The following ATP6V0E1 variants were observed in gnomAD, a reference collection of about 807,000 sequenced individuals.
ATP6V0E1 encodes ATPase H+ transporting V0 subunit e1, also known as V-type proton ATPase subunit e 1.
Under a neutral mutation model 11.6 loss-of-function variants are expected in ATP6V0E1, and 4 were observed. The ratio of observed to expected loss-of-function variants is 0.35; its 90% CI spans 0.17 to 0.79. The LOEUF (loss-of-function observed/expected upper bound fraction) is 0.79, where lower values mean the gene tolerates loss of function less well. Among genes scored for constraint, ATP6V0E1 ranks in the 30% least tolerant of loss-of-function variants. The probability of loss-of-function intolerance (pLI) is 0.54; values close to 1 mark genes in which losing one functional copy is unlikely to be tolerated. For synonymous variants in ATP6V0E1, 36 were observed against 34.8 expected (o/e 1.04, Z -0.13); for missense variants, 105 against 100.0 (o/e 1.05, Z -0.21).
chr5:173,010,447 C>T (rs560307418), intron 2 of ATP6V0E1, among the ~76,000 whole-genome samples: 1 of 152,182 alleles, frequency 6.6e-6, no homozygotes, highest in Non-Finnish European at 1.5e-5. Flanking sequence ...GGATTATTAT[C>T]ACCATTTTAC....
At chr5:172,994,047 G>C (rs146823123) in intron 1 of ATP6V0E1, among the ~76,000 whole-genome samples, 37 of 152,276 alleles carry the variant, frequency 2.4e-4, no homozygotes, top group Non-Finnish European at 4.3e-4. Flanking sequence ...AGAAAAGTTT[G>C]AATCTGCCAG....
intron 3 of ATP6V0E1, among the ~76,000 whole-genome samples, chr5:173,025,677 G>A (rs770691077): frequency 1.7e-4 from 26 of 149,092 alleles, no homozygotes; most frequent in Non-Finnish European, 3.1e-4. Flanking sequence ...TGTATTTTTG[G>A]TAGAGACTCA....
rs973896186 is a variant in ATP6V0E1, at chr5:172,984,075, C to T, written c.104+111C>T. Reference sequence around the variant, plus strand: ...TCAGAGAACGTTGCATGGGCGCCCCCCGCGCTGCAGAGTCAGGCCCCCGAC... The same window carrying T: ...TCAGAGAACGTTGCATGGGCGCCCCTCGCGCTGCAGAGTCAGGCCCCCGAC... On this transcript the variant is annotated intron_variant, in intron 1 of 3. Coordinates refer to ENST00000519374, the MANE Select transcript of ATP6V0E1 (RefSeq NM_003945.4). 7.5e-5 allele frequency: 80 copies of T among 1,061,232 alleles called. No individual in the cohort carries two copies. In the African/African-American group the frequency reaches 1.1e-3, roughly 14 times the overall value. The allele number at this position is 1,061,232 out of a possible 1,614,324, so 65.7% of individuals were successfully genotyped here. A position where few individuals can be genotyped will look rare whatever the true frequency, so the allele number is the denominator to read the frequency against.
intron 2 of ATP6V0E1, among the ~76,000 whole-genome samples, chr5:173,009,574 C>T (rs762030656): frequency 2.7e-5 from 4 of 148,794 alleles, no homozygotes; most frequent in Admixed American, 1.4e-4. Context: ...AAGTGATTCT[C>T]GTGCCTCAGC....
At chr5:173,018,660 A>T (rs1393159719) in intron 2 of ATP6V0E1, among the ~76,000 whole-genome samples, 1 of 151,000 alleles carries the variant, frequency 6.6e-6, no homozygotes, top group Admixed American at 6.6e-5. Flanking sequence ...TTCCTTCATA[A>T]CAGTTATCAC....
At chr5:173,007,171 C>T (rs933897439) in intron 2 of ATP6V0E1, among the ~76,000 whole-genome samples, 4 of 152,084 alleles carry the variant, frequency 2.6e-5, no homozygotes, top group South Asian at 2.1e-4. Context: ...GATGAGGTCT[C>T]GCCATGTTGC....
At chr5:172,995,013 A>G in intron 2 of ATP6V0E1, among the ~76,000 whole-genome samples, 191 bp downstream of exon 2, 1 of 152,220 alleles carries the variant, frequency 6.6e-6, no homozygotes, top group Non-Finnish European at 1.5e-5. Flanking sequence ...TGGGAATACA[A>G]CTTCTGTTTA....
chr5:173,013,631 C>CT (rs1213147851), intron 2 of ATP6V0E1, among the ~76,000 whole-genome samples: 7 of 147,818 alleles, frequency 4.7e-5, no homozygotes, highest in African/African-American at 1.7e-4. Context: ...TATTTGCAAA[C>CT]TACCCAACTG....
At chr5:172,996,419 G>A (rs1320733465) in intron 2 of ATP6V0E1, among the ~76,000 whole-genome samples, 1 of 152,020 alleles carries the variant, frequency 6.6e-6, no homozygotes, top group Non-Finnish European at 1.5e-5. Context: ...AAAATTAGCT[G>A]GGCTTGGTGG....
Position 173,034,999 on chromosome 5 carries a change from C to T in ATP6V0E1, c.*637C>T, listed in dbSNP as rs1374866010. ...TCTAAACTTAGGTTGAGTATATAAA[C>T]CCTGCCATGTAGCTTGAGATGCCTG... On this transcript the variant is annotated 3_prime_UTR_variant, in exon 4 of 4. Coordinates refer to ENST00000519374, the MANE Select transcript of ATP6V0E1 (RefSeq NM_003945.4). 6.5e-6 allele frequency: 1 copy of T among 152,804 alleles called. No individual in the cohort carries two copies. Among genetic ancestry groups the T allele is most frequent in the Non-Finnish European group, 1.5e-5 (1 of 68,536 alleles). The allele number at this position is 152,804 out of a possible 1,614,324, so 9.5% of individuals were successfully genotyped here.
intron 3 of ATP6V0E1, among the ~76,000 whole-genome samples, chr5:173,024,787 AT>A (rs1274815107): frequency 6.7e-6 from 1 of 150,100 alleles, no homozygotes; most frequent in Non-Finnish European, 1.5e-5. Context: ...TTACATTAGT[AT>A]TTTCTCTTCA....
intron 2 of ATP6V0E1, among the ~76,000 whole-genome samples, chr5:172,996,854 A>T (rs1353367392): frequency 6.6e-6 from 1 of 152,186 alleles, no homozygotes; most frequent in African/African-American, 2.4e-5. Context: ...TTTTTAAAAA[A>T]TTACTTTTCT....
Position 172,983,783 on chromosome 5 carries a change from C to A in ATP6V0E1, c.-78C>A. 7.1e-7 allele frequency: 1 copy of A among 1,410,868 alleles called. No homozygotes were observed. Among genetic ancestry groups the A allele is most frequent in the South Asian group, 1.2e-5 (1 of 86,668 alleles). The allele number at this position is 1,410,868 out of a possible 1,614,324, so 87.4% of individuals were successfully genotyped here. On this transcript the variant is annotated 5_prime_UTR_variant, in exon 1 of 4. Transcript: ENST00000519374. Reference sequence around the variant, plus strand: ...GGAGGCGGGGCTTGCACACGCTGGTCACGCGGTCAGCTATTGACACTTCCT... The same window carrying A: ...GGAGGCGGGGCTTGCACACGCTGGTAACGCGGTCAGCTATTGACACTTCCT...
chr5:173,008,946 G>T (rs1756271777), intron 2 of ATP6V0E1, among the ~76,000 whole-genome samples: 1 of 147,714 alleles, frequency 6.8e-6, no homozygotes, highest in Non-Finnish European at 1.5e-5. Flanking sequence ...TCAACTGAGG[G>T]CTGGGTGGGT....
chr5:173,003,057 C>G (rs1373628733), intron 2 of ATP6V0E1, among the ~76,000 whole-genome samples: 1 of 151,996 alleles, frequency 6.6e-6, no homozygotes, highest in African/African-American at 2.4e-5. Flanking sequence ...TTGGAATGTT[C>G]TGGCAGGGTA....
chr5:173,014,271 A>G (rs955212594), intron 2 of ATP6V0E1, among the ~76,000 whole-genome samples: 6 of 152,102 alleles, frequency 3.9e-5, no homozygotes, highest in Admixed American at 1.3e-4. Context: ...AGAAAATGGT[A>G]TGGAGTATAG....
chr5:173,014,759 A>G (rs931779263), intron 2 of ATP6V0E1, among the ~76,000 whole-genome samples: 1 of 139,814 alleles, frequency 7.2e-6, no homozygotes, highest in African/African-American at 2.7e-5. Context: ...CACAATGGGT[A>G]CAAACATGTG....
chr5:173,023,167 A>G (rs1756509313), intron 3 of ATP6V0E1, among the ~76,000 whole-genome samples: 1 of 147,650 alleles, frequency 6.8e-6, no homozygotes, highest in Admixed American at 6.9e-5. Context: ...GCAAATGATG[A>G]TTTTTCCAGT....
At position 172,998,383 on chromosome 5, in the gene ATP6V0E1, G is replaced by T. The variant is rs562601857; in HGVS notation, c.152+3561G>T. 7.9e-5 allele frequency among the ~76,000 whole-genome samples: 12 copies of T among 152,066 alleles called. No individual in the cohort carries two copies. The South Asian group carries it at 2.5e-3, about 31-fold the overall frequency. ...GCACTCTGGGAGGCCAAGGCGGGAA[G>T]ATCACCTGAGGTTACAAGTTCAAGG... On this transcript the variant is annotated intron_variant, in intron 2 of 3. Transcript: ENST00000519374.
Sources: allele counts gnomAD v4.1 joint callset (sites outside exome capture counted in the v4.1 genomes callset), GRCh38; gene constraint gnomAD v4.1.1; transcripts MANE v1.5; gene names NCBI Gene and HGNC (gene_info 2026-07-23, HGNC 2026-07-21).